NEK6: variants seen among roughly 807,000 people sequenced by gnomAD.
NEK6 encodes the protein NIMA related kinase 6.
NEK6 carries 27 observed loss-of-function variants against 43.5 expected under a neutral mutation model. The observed-to-expected ratio is 0.62, with a 90% confidence interval of 0.46 to 0.86. The LOEUF (loss-of-function observed/expected upper bound fraction) is 0.86, where lower values mean the gene tolerates loss of function less well. Among genes scored for constraint, NEK6 ranks in the 40% least tolerant of loss-of-function variants. The pLI is 0.00. For synonymous variants in NEK6, 167 were observed against 164.1 expected, an observed-to-expected ratio of 1.02 and a Z score of -0.14; for missense variants, 318 against 414.4, an observed-to-expected ratio of 0.77 and a Z score of 2.02.
rs1009837556 is a variant in NEK6 at position 124,275,568 on chromosome 9, T to C, written c.-30+17483T>C. 6.6e-6 allele frequency among the ~76,000 whole-genome samples: 1 copy of C among 152,234 alleles called. No homozygotes were observed. Among genetic ancestry groups the C allele is most frequent in the Admixed American group, 6.5e-5 (1 of 15,290 alleles). ...ATCACTGCTTCTGGGGAGTCTCCTC[T>C]GACCTCAGCACACTGCTTAGAAACC... On this transcript the variant is annotated intron_variant, in intron 1 of 9. Coordinates refer to ENST00000320246, the MANE Select transcript of NEK6 (RefSeq NM_014397.6). This position sits in a 1 kb window ranked among gnomAD's most constrained non-coding sequence, Gnocchi z 4.4.
intron 5 of NEK6, among the ~76,000 whole-genome samples, chr9:124,325,840 TCTG>T (rs1220008236): frequency 6.6e-6 from 1 of 152,258 alleles, no homozygotes; most frequent in African/African-American, 2.4e-5. Context: ...TGCACTGAGA[TCTG>T]CTGGTTCCGA....
At chr9:124,344,811 G>A (rs1829833864) in intron 8 of NEK6, among the ~76,000 whole-genome samples, 1 of 152,240 alleles carries the variant, frequency 6.6e-6, no homozygotes, top group Non-Finnish European at 1.5e-5. Context: ...CAGCGAGACA[G>A]CGGACTCAAG....
chr9:124,274,829 C>A (rs1165673398), intron 1 of NEK6, among the ~76,000 whole-genome samples: 3 of 152,160 alleles, frequency 2.0e-5, no homozygotes, highest in Non-Finnish European at 4.4e-5. Flanking sequence ...CCATTTGTAG[C>A]AAGGCTGGCA....
rs550658469 is a variant in NEK6 at position 124,294,997 on chromosome 9, G to A, written c.-29-6939G>A. Among the ~76,000 whole-genome samples, 14 of 152,334 alleles carry A rather than the reference G, an allele frequency of 9.2e-5. No homozygotes were observed. In the South Asian group the frequency reaches 2.7e-3, roughly 29 times the overall value. ...AGACCAGGTGTGGGTCCTGGGGGAG[G>A]GCGAGGCATCCGGAGGCTACAGCAG... On this transcript the variant is annotated intron_variant, in intron 1 of 9. Transcript: ENST00000320246.
chr9:124,274,934 AT>A (rs1157395907), intron 1 of NEK6, among the ~76,000 whole-genome samples: 1 of 152,194 alleles, frequency 6.6e-6, no homozygotes, highest in Non-Finnish European at 1.5e-5. Context: ...TTGATTAGCA[AT>A]GTCTGCTGTG....
intron 1 of NEK6, among the ~76,000 whole-genome samples, chr9:124,287,780 G>C (rs1271558501): frequency 1.3e-5 from 2 of 152,026 alleles, no homozygotes; most frequent in African/African-American, 2.4e-5. Flanking sequence ...AGCCAAGATT[G>C]CACCATTGCA....
intron 7 of NEK6, among the ~76,000 whole-genome samples, chr9:124,330,812 A>G (rs1253144707): frequency 6.6e-6 from 1 of 152,166 alleles, no homozygotes; most frequent in East Asian, 1.9e-4. Context: ...GTGGGCAGGC[A>G]GGGCAGGCGT....
chr9:124,350,848 GGTCA>G lies in NEK6; in HGVS notation c.845_848del (p.Val282AlafsTer59). 6.2e-7 allele frequency: 1 copy of G among 1,612,482 alleles called. No homozygotes were observed. Among genetic ancestry groups the G allele is most frequent in the Non-Finnish European group, 8.5e-7 (1 of 1,179,690 alleles). ...TCTCTCCCCTGCAGTTACGAGAACT[GGTCA>G]GCATGTGCATCTGCCCTGACCCCCA... On this transcript the variant is annotated frameshift_variant, in exon 10 of 10. Transcript: ENST00000320246. LOFTEE classifies it high-confidence loss of function.
At chr9:124,302,297 C>G (rs1313116275) in intron 2 of NEK6, among the ~76,000 whole-genome samples, 1 of 152,182 alleles carries the variant, frequency 6.6e-6, no homozygotes, top group Non-Finnish European at 1.5e-5. Context: ...CCTGATCCTG[C>G]CCCTGGAGTG....
intron 1 of NEK6, among the ~76,000 whole-genome samples, chr9:124,285,562 G>T (rs1249421128): frequency 6.6e-6 from 1 of 152,148 alleles, no homozygotes; most frequent in Non-Finnish European, 1.5e-5. Flanking sequence ...GTGAACTGAA[G>T]AAATCAGAGT....
At chr9:124,271,350 G>A (rs1011678169) in intron 1 of NEK6, among the ~76,000 whole-genome samples, 1 of 152,232 alleles carries the variant, frequency 6.6e-6, no homozygotes, top group Non-Finnish European at 1.5e-5. Flanking sequence ...GATTCCACCA[G>A]CTGTCACGCT....
chr9:124,302,551 T>G (rs1833038025), intron 2 of NEK6, among the ~76,000 whole-genome samples: 1 of 152,266 alleles, frequency 6.6e-6, no homozygotes. Context: ...TCTTAACGCC[T>G]GCCTCTCGCT....
intron 4 of NEK6, among the ~76,000 whole-genome samples, chr9:124,317,339 G>A (rs571258264): frequency 6.6e-6 from 1 of 152,148 alleles, no homozygotes; most frequent in East Asian, 1.9e-4. Context: ...TACAACCTCC[G>A]AGTAGCTGGA....
At chr9:124,312,256 G>A (rs1307404167) in intron 2 of NEK6, among the ~76,000 whole-genome samples, 1 of 152,212 alleles carries the variant, frequency 6.6e-6, no homozygotes, top group Non-Finnish European at 1.5e-5. Flanking sequence ...GACAATGAAG[G>A]TGGTGATGAG....
rs1409436727 is a variant in NEK6 at position 124,313,999 on chromosome 9, G to A, written c.294+14G>A. 12 of 1,613,794 alleles carry A rather than the reference G, an allele frequency of 7.4e-6. No homozygotes were observed. Among genetic ancestry groups the A allele is most frequent in the Admixed American group, 1.7e-5 (1 of 60,024 alleles). On this transcript the variant is annotated intron_variant, in intron 4 of 9. Coordinates refer to ENST00000320246, the MANE Select transcript of NEK6 (RefSeq NM_014397.6). Reference sequence around the variant, plus strand: ...GGCCTCTTGAAGGTGAGCACCCTGGGCCGAGCGGGAGCTTTGCCTCCTCGG... The same window carrying A: ...GGCCTCTTGAAGGTGAGCACCCTGGACCGAGCGGGAGCTTTGCCTCCTCGG...
At chr9:124,306,105 T>G (rs534663189) in intron 2 of NEK6, among the ~76,000 whole-genome samples, 2 of 152,026 alleles carry the variant, frequency 1.3e-5, no homozygotes, top group Non-Finnish European at 2.9e-5. Context: ...AGATGATGCC[T>G]CATGGGGCTA....
chr9:124,334,638 C>T (rs569298147), intron 7 of NEK6, among the ~76,000 whole-genome samples: 1 of 152,206 alleles, frequency 6.6e-6, no homozygotes, highest in Non-Finnish European at 1.5e-5. Flanking sequence ...ACGTTTGGGT[C>T]CTGCTGAGCA....
intron 8 of NEK6, among the ~76,000 whole-genome samples, chr9:124,345,115 A>G (rs775999414): frequency 2.0e-5 from 3 of 152,070 alleles, no homozygotes; most frequent in Non-Finnish European, 4.4e-5. Flanking sequence ...CCTCGGCTAT[A>G]TGTCACCCTG....
At chr9:124,344,656 C>T (rs911591181) in intron 8 of NEK6, among the ~76,000 whole-genome samples, 9 of 152,206 alleles carry the variant, frequency 5.9e-5, no homozygotes, top group Admixed American at 2.0e-4. Context: ...GCGGGCTGCC[C>T]GCTCTGCAGG....
Sources: allele counts gnomAD v4.1 joint callset (sites outside exome capture counted in the v4.1 genomes callset), GRCh38; gene constraint gnomAD v4.1.1; non-coding constraint Gnocchi (gnomAD v3.1); transcripts MANE v1.5; gene names NCBI Gene and HGNC (gene_info 2026-07-23, HGNC 2026-07-21).